Variants in SPTBN1 observed in about 807,000 individuals in gnomAD.
SPTBN1 encodes the protein spectrin beta chain, non-erythrocytic 1.
SPTBN1 carries 32 observed loss-of-function variants against 266.4 expected under a neutral mutation model. That is an observed-to-expected ratio of 0.12 (90% CI 0.09 to 0.16). The LOEUF (loss-of-function observed/expected upper bound fraction) is 0.16, where lower values mean the gene tolerates loss of function less well. Ranked by LOEUF, SPTBN1 falls within the 10% of genes least tolerant of loss-of-function variation. The probability of loss-of-function intolerance (pLI) is 1.00; values close to 1 mark genes in which losing one functional copy is unlikely to be tolerated. For synonymous variants in SPTBN1, 1,336 were observed against 1,162.2 expected, an observed-to-expected ratio of 1.15 and a Z score of -3.04; for missense variants, 2,296 against 3,067.1, an observed-to-expected ratio of 0.75 and a Z score of 5.94.
chr2:54,620,913 C>T (rs370332510), intron 7 of SPTBN1, among the ~76,000 whole-genome samples: 1 of 152,040 alleles, frequency 6.6e-6, no homozygotes, highest in African/African-American at 2.4e-5. Flanking sequence ...TGAAGGAAAT[C>T]GGGAAAGCTG....
chr2:54,642,949 T>C (rs1343596217), intron 18 of SPTBN1, 34 bp from the exon 19 acceptor site: 2 of 1,597,394 alleles, frequency 1.3e-6, no homozygotes, highest in South Asian at 1.1e-5. Context: ...ATGTCTAGGA[T>C]CACAATCTCT....
intron 29 of SPTBN1, among the ~76,000 whole-genome samples, 154 bp downstream of exon 29, chr2:54,656,152 C>T (rs1262709217): frequency 1.3e-5 from 2 of 152,208 alleles, no homozygotes; most frequent in African/African-American, 4.8e-5. Flanking sequence ...ATGGTAAATA[C>T]TACTTTTAAG....
At chr2:54,609,168 A>G (rs566248066) in intron 3 of SPTBN1, among the ~76,000 whole-genome samples, 42 of 152,240 alleles carry the variant, frequency 2.8e-4, no homozygotes, top group African/African-American at 7.5e-4. Flanking sequence ...AACAAATTCA[A>G]TTTGTTTTCT....
chr2:54,468,896 G>A (rs1169707535), intron 1 of SPTBN1, among the ~76,000 whole-genome samples: 1 of 152,144 alleles, frequency 6.6e-6, no homozygotes, highest in East Asian at 1.9e-4. Flanking sequence ...ATCCCATAAT[G>A]TGTCGCAGTG....
rs367810526 is a variant in SPTBN1 at position 54,632,764 on chromosome 2, G to A, written c.3763G>A (p.Asp1255Asn). ...CCAGGAGAAGGTGGACTCTATTGAT[G>A]ACAGGTACAGTTTTCTGAGGTTCTT... ...RIQEKVDSID[D>N]RHRKNRETAS... is the part of the protein sequence containing the mutation. The change falls in exon 17 of 36, where the codon GAC becomes AAC. Residue 1255 changes from aspartate (D) to asparagine (N), a missense_variant. Asp to Asn is a conservative substitution (Grantham distance 23). Around this residue, in one of 12 missense-constraint regions of SPTBN1, gnomAD observed 386 missense variants for 486.1 expected, o/e 0.79. Transcript: ENST00000356805. The A allele has an allele frequency of 1.2e-6, 2 of 1,613,984 alleles. No homozygotes were observed. Among genetic ancestry groups the A allele is most frequent in the Non-Finnish European group, 1.7e-6 (2 of 1,180,020 alleles).
chr2:54,647,383 T>G, intron 24 of SPTBN1, 122 bp downstream of exon 24: 1 of 1,368,584 alleles, frequency 7.3e-7, no homozygotes, highest in Non-Finnish European at 9.9e-7. Flanking sequence ...GGCAAATCTT[T>G]GAGAAGCATT....
At chr2:54,464,891 C>T (rs896086582) in intron 1 of SPTBN1, among the ~76,000 whole-genome samples, 3 of 152,044 alleles carry the variant, frequency 2.0e-5, no homozygotes, top group South Asian at 2.1e-4. Flanking sequence ...GAGGTTTCAC[C>T]GTGTTGCCCA....
At position 54,664,907 on chromosome 2, in the gene SPTBN1, A is replaced by G. The variant is rs144489263; in HGVS notation, c.6659+216A>G. The G allele has an allele frequency of 1.9e-4, 106 of 564,478 alleles. 1 individual carries two copies. In the East Asian group the frequency reaches 3.1e-3, roughly 17 times the overall value. The allele number at this position is 564,478 out of a possible 1,614,324, so 35.0% of individuals were successfully genotyped here. A position where few individuals can be genotyped will look rare whatever the true frequency, so the allele number is the denominator to read the frequency against. ...AGAAGAGTTGAGTTTGGATGGGAGT[A>G]GCTAGAAGGGGCTTTAGTAGTTCAT... On this transcript the variant is annotated intron_variant, in intron 33 of 35. Transcript: ENST00000356805. This position sits in a 1 kb window ranked among gnomAD's most constrained non-coding sequence, Gnocchi z 5.6.
chr2:54,652,352 T>C (rs976259545), intron 26 of SPTBN1, among the ~76,000 whole-genome samples: 2 of 152,242 alleles, frequency 1.3e-5, no homozygotes. Flanking sequence ...AAAAATATTA[T>C]GCACGTTGTC....
intron 30 of SPTBN1, 99 bp from the exon 31 acceptor site, chr2:54,659,055 T>C: frequency 3.9e-6 from 5 of 1,289,110 alleles, no homozygotes; most frequent in South Asian, 1.3e-5. Context: ...TGGTCCAGTT[T>C]AGCAAACTAG....
intron 2 of SPTBN1, among the ~76,000 whole-genome samples, chr2:54,534,457 T>C (rs1056924652): frequency 1.3e-5 from 2 of 152,228 alleles, no homozygotes; most frequent in Middle Eastern, 3.2e-3. Flanking sequence ...AAGAGCATTT[T>C]ATATCCAAGT....
chr2:54,583,987 A>G (rs1307044637), intron 2 of SPTBN1, among the ~76,000 whole-genome samples: 1 of 152,246 alleles, frequency 6.6e-6, no homozygotes, highest in African/African-American at 2.4e-5. Context: ...CAGTGTATTC[A>G]TAGAAATACA....
chr2:54,535,793 C>A (rs1488445090), intron 2 of SPTBN1, among the ~76,000 whole-genome samples: 2 of 152,194 alleles, frequency 1.3e-5, no homozygotes, highest in Non-Finnish European at 2.9e-5. Context: ...AAGTGGATCA[C>A]CTGAGATCAG....
At chr2:54,563,098 G>C (rs201320944) in intron 2 of SPTBN1, among the ~76,000 whole-genome samples, 4 of 152,024 alleles carry the variant, frequency 2.6e-5, no homozygotes, top group African/African-American at 9.7e-5. Flanking sequence ...TAGGCTGCAC[G>C]GTGTTCTGTA....
At position 54,516,668 on chromosome 2, in the gene SPTBN1, T is replaced by C. The variant is rs78031825; in HGVS notation, c.-47-9704T>C. 2.0e-3 allele frequency among the ~76,000 whole-genome samples: 303 copies of C among 152,338 alleles called. 1 individual carries two copies. The highest frequency in any genetic ancestry group is 6.8e-3 in the African/African-American group (281 of 41,580). ...GGTTAGATTGAAACAAAGAGAGGCA[T>C]ACCTAAGACAAAGTGACTCTAGAAG... is the stretch of plus-strand genomic sequence containing the variant. On this transcript the variant is annotated intron_variant, in intron 1 of 35. Coordinates refer to ENST00000356805, the MANE Select transcript of SPTBN1 (RefSeq NM_003128.3).
At chr2:54,578,040 A>C (rs1431260011) in intron 2 of SPTBN1, among the ~76,000 whole-genome samples, 1 of 152,176 alleles carries the variant, frequency 6.6e-6, no homozygotes, top group East Asian at 1.9e-4. Flanking sequence ...CTTTGATGGT[A>C]CTTTGGAGAT....
intron 3 of SPTBN1, among the ~76,000 whole-genome samples, chr2:54,611,718 G>C (rs1677230118): frequency 1.3e-5 from 2 of 151,762 alleles, no homozygotes; most frequent in African/African-American, 2.4e-5. Flanking sequence ...TGTGTTCCCT[G>C]TTTTCATTTT....
intron 2 of SPTBN1, among the ~76,000 whole-genome samples, chr2:54,530,980 C>T (rs1276914131): frequency 6.6e-6 from 1 of 152,176 alleles, no homozygotes; most frequent in African/African-American, 2.4e-5. Context: ...CAGCATCATC[C>T]ACTCATCTGT....
At chr2:54,629,854 G>T in intron 14 of SPTBN1, 38 bp from the exon 15 acceptor site, 1 of 1,613,350 alleles carries the variant, frequency 6.2e-7, no homozygotes, top group African/African-American at 1.3e-5. Flanking sequence ...ACCACCAGTG[G>T]CCCAGGAGGT....
Sources: allele counts gnomAD v4.1 joint callset (sites outside exome capture counted in the v4.1 genomes callset), GRCh38; gene constraint gnomAD v4.1.1; regional missense constraint gnomAD v4.1.1; non-coding constraint Gnocchi (gnomAD v3.1); transcripts MANE v1.5; gene names NCBI Gene and HGNC (gene_info 2026-07-23, HGNC 2026-07-21).